MAD1L1: variants seen among roughly 807,000 people sequenced by gnomAD.
The protein encoded by MAD1L1 is mitotic spindle assembly checkpoint protein MAD1.
Under a neutral mutation model 96.9 loss-of-function variants are expected in MAD1L1, and 95 were observed. The ratio of observed to expected loss-of-function variants is 0.98; its 90% CI spans 0.83 to 1.16. MAD1L1 has a LOEUF of 1.16. Among genes scored for constraint, MAD1L1 ranks in the 50% most tolerant of loss-of-function variants. MAD1L1 has a pLI of 0.00. For synonymous variants in MAD1L1, 473 were observed against 396.6 expected (o/e 1.19, Z -2.29); for missense variants, 1,007 against 954.4 (o/e 1.06, Z -0.73).
chr7:2,175,880 G>A (rs969588419), intron 10 of MAD1L1, among the ~76,000 whole-genome samples: 4 of 152,134 alleles, frequency 2.6e-5, no homozygotes, highest in East Asian at 1.9e-4. Flanking sequence ...AAACTACAAC[G>A]GTGAGAAATC....
intron 18 of MAD1L1, among the ~76,000 whole-genome samples, chr7:1,853,726 C>G (rs1784097649): frequency 6.6e-6 from 1 of 152,178 alleles, no homozygotes; most frequent in Non-Finnish European, 1.5e-5. Flanking sequence ...CCTGTCCCAC[C>G]CTTCCATCCC....
At chr7:1,974,769 C>T (rs941513682) in intron 15 of MAD1L1, among the ~76,000 whole-genome samples, 3 of 152,278 alleles carry the variant, frequency 2.0e-5, no homozygotes, top group Non-Finnish European at 4.4e-5. Flanking sequence ...GGGCGTGAGA[C>T]GCCAGAAGGA....
chr7:2,033,887 C>T (rs1783345283), intron 12 of MAD1L1, among the ~76,000 whole-genome samples: 1 of 152,192 alleles, frequency 6.6e-6, no homozygotes, highest in Non-Finnish European at 1.5e-5. Context: ...GGAGAATCAC[C>T]TGAGACCAGC....
chr7:2,047,999 C>T (rs922690569), intron 12 of MAD1L1, among the ~76,000 whole-genome samples: 4 of 152,232 alleles, frequency 2.6e-5, no homozygotes, highest in South Asian at 2.1e-4. Context: ...ACTCACACAG[C>T]ACAACATACA....
intron 10 of MAD1L1, among the ~76,000 whole-genome samples, chr7:2,151,732 C>T (rs1339624707): frequency 1.3e-5 from 2 of 152,228 alleles, no homozygotes; most frequent in Non-Finnish European, 2.9e-5. Context: ...TAAATGCAAC[C>T]ATTTAGCAAT....
intron 18 of MAD1L1, among the ~76,000 whole-genome samples, chr7:1,836,119 T>C (rs1782926167): frequency 1.3e-5 from 2 of 152,142 alleles, no homozygotes; most frequent in African/African-American, 4.8e-5. Flanking sequence ...CCTCCTGGGT[T>C]CAAGCAATTC....
chr7:1,888,013 G>A (rs112651490), intron 18 of MAD1L1, among the ~76,000 whole-genome samples: 49 of 18,264 alleles, frequency 2.7e-3, no homozygotes, highest in African/African-American at 0.012. Context: ...CTGCCTGTAC[G>A]TGTGTGTGCA....
intron 10 of MAD1L1, among the ~76,000 whole-genome samples, chr7:2,169,929 G>A (rs1790633313): frequency 6.6e-6 from 1 of 152,032 alleles, no homozygotes; most frequent in African/African-American, 2.4e-5. Flanking sequence ...GGGGGCACTT[G>A]GAGCAGGGGC....
rs577798720 is a variant in MAD1L1, at chr7:2,221,509, C to T, written c.471+1066G>A. Among the ~76,000 whole-genome samples the T allele has an allele frequency of 4.0e-5, 6 of 151,128 alleles. No homozygotes were observed. The East Asian group carries it at 7.8e-4, about 20-fold the overall frequency. On this transcript the variant is annotated intron_variant, in intron 5 of 18. Coordinates refer to ENST00000265854, the MANE Select transcript of MAD1L1 (RefSeq NM_001013836.2). ...CTGCACGCCCACCCCACCCCTACCA[C>T]GCCTCCACCCCCACACCAGCAGATT...
intron 10 of MAD1L1, among the ~76,000 whole-genome samples, chr7:2,182,883 G>A (rs1791268128): frequency 6.6e-6 from 1 of 152,170 alleles, no homozygotes; most frequent in South Asian, 2.1e-4. Flanking sequence ...AGGTATGAGT[G>A]TACAACCTTA....
intron 18 of MAD1L1, among the ~76,000 whole-genome samples, chr7:1,887,216 T>A (rs909024727): frequency 6.6e-6 from 1 of 152,166 alleles, no homozygotes; most frequent in Admixed American, 6.5e-5. Flanking sequence ...ACTGTGAGCA[T>A]GTGTGTGTGA....
intron 18 of MAD1L1, among the ~76,000 whole-genome samples, chr7:1,867,818 C>T (rs866011005): frequency 2.0e-5 from 3 of 152,286 alleles, no homozygotes; most frequent in Middle Eastern, 3.4e-3. Flanking sequence ...AGCTCTGGGA[C>T]AATAATTGGA....
chr7:2,198,589 G>A (rs1341212750), intron 10 of MAD1L1, among the ~76,000 whole-genome samples: 3 of 152,258 alleles, frequency 2.0e-5, no homozygotes, highest in Admixed American at 6.5e-5. Flanking sequence ...ACAGAGGCGA[G>A]TGCTTCCTGG....
intron 11 of MAD1L1, among the ~76,000 whole-genome samples, chr7:2,072,333 C>T (rs1178685255): frequency 1.3e-5 from 2 of 152,156 alleles, no homozygotes; most frequent in Admixed American, 6.5e-5. Context: ...CAGAGGAAAC[C>T]GTTCTGAGTC....
chr7:1,822,429 C>T (rs1782172805), intron 18 of MAD1L1, among the ~76,000 whole-genome samples: 1 of 127,940 alleles, frequency 7.8e-6, no homozygotes, highest in South Asian at 2.6e-4. Context: ...CAAACCTCAG[C>T]ATATATATAT....
intron 11 of MAD1L1, among the ~76,000 whole-genome samples, chr7:2,090,467 T>C (rs905032640): frequency 2.6e-5 from 4 of 152,200 alleles, no homozygotes; most frequent in Non-Finnish European, 5.9e-5. Context: ...GAACCCAGCC[T>C]CCCAGTGCAA....
chr7:2,116,148 T>C (rs944596046), intron 11 of MAD1L1, among the ~76,000 whole-genome samples: 1 of 152,240 alleles, frequency 6.6e-6, no homozygotes, highest in Non-Finnish European at 1.5e-5. Context: ...ACTGACGTGT[T>C]GGCTGCTGCT....
At chr7:2,191,956 G>A (rs940873360) in intron 10 of MAD1L1, among the ~76,000 whole-genome samples, 13 of 151,018 alleles carry the variant, frequency 8.6e-5, no homozygotes, top group Admixed American at 4.0e-4. Context: ...GCTTGAACCC[G>A]GCTGGCAGAG....
intron 16 of MAD1L1, among the ~76,000 whole-genome samples, chr7:1,943,926 A>C (rs1779113051): frequency 6.6e-6 from 1 of 152,100 alleles, no homozygotes; most frequent in South Asian, 2.1e-4. Context: ...CCAGTTGATG[A>C]CTGGATATAT....
Sources: gnomAD v4.1 joint callset for allele counts (sites outside exome capture counted in the v4.1 genomes callset) on GRCh38, gnomAD v4.1.1 for gene constraint, MANE v1.5 for transcripts, NCBI Gene and HGNC (gene_info 2026-07-23, HGNC 2026-07-21) for gene names.